The following KIF15 variants were observed in gnomAD, a reference collection of about 807,000 sequenced individuals.
KIF15 encodes kinesin-like protein KIF15.
A neutral mutation model predicts 190.6 loss-of-function variants in KIF15; 140 were observed. That is an observed-to-expected ratio of 0.73 (90% CI 0.64 to 0.84). The LOEUF is 0.84. Among genes scored for constraint, KIF15 ranks in the 40% least tolerant of loss-of-function variants. The pLI is 0.00. For synonymous variants in KIF15, 528 were observed against 551.3 expected (o/e 0.96, Z 0.59); for missense variants, 1,372 against 1,584.4 (o/e 0.87, Z 2.28).
At chr3:44,797,742 C>G (rs1707058320) in intron 9 of KIF15, 66 bp downstream of exon 9, 6 of 1,604,608 alleles carry the variant, frequency 3.7e-6, no homozygotes, top group East Asian at 2.2e-5. Context: ...GGGACAGTCT[C>G]TCAGCCTTGG....
intron 8 of KIF15, 89 bp downstream of exon 8, chr3:44,794,515 G>A (rs772633258): frequency 2.5e-5 from 24 of 957,802 alleles, no homozygotes; most frequent in Non-Finnish European, 3.4e-5. Flanking sequence ...CTCAGTCAAT[G>A]AGGAACTGCA....
intron 7 of KIF15, among the ~76,000 whole-genome samples, chr3:44,790,504 A>C (rs1706634160): frequency 6.6e-6 from 1 of 152,160 alleles, no homozygotes; most frequent in Non-Finnish European, 1.5e-5. Flanking sequence ...CTCCTTTATT[A>C]GGTATATATA....
chr3:44,763,285 C>T (rs1705227327), intron 1 of KIF15, among the ~76,000 whole-genome samples: 1 of 152,098 alleles, frequency 6.6e-6, no homozygotes, highest in Non-Finnish European at 1.5e-5. Context: ...TTACTTTGTG[C>T]CCCGAAGGCT....
intron 5 of KIF15, among the ~76,000 whole-genome samples, chr3:44,781,915 G>A (rs1323605214): frequency 6.6e-6 from 1 of 152,086 alleles, no homozygotes; most frequent in East Asian, 1.9e-4. Context: ...ATAAAACAGA[G>A]AAGTTAGCCT....
chr3:44,836,362 AAAT>A (rs1320888648), intron 26 of KIF15, among the ~76,000 whole-genome samples: 1 of 151,982 alleles, frequency 6.6e-6, no homozygotes, highest in Admixed American at 6.6e-5. Context: ...CTAAAAAAAT[AAAT>A]AAATAAATAA....
intron 5 of KIF15, 39 bp from the exon 6 acceptor site, chr3:44,784,806 T>C (rs780189140): frequency 1.9e-6 from 2 of 1,076,514 alleles, no homozygotes; most frequent in South Asian, 2.8e-5. Flanking sequence ...ACTCTTGGAA[T>C]AGAATAAAAA....
rs551220933 is a variant in KIF15 at position 44,819,073 on chromosome 3, T to G, written c.2549+3997T>G. ...TCTCTGATGGTAGTTTGTATTTCTG[T>G]GGGATAGGTGGTGATATCCCCTTTA... is the stretch of plus-strand genomic sequence containing the variant. On this transcript the variant is annotated intron_variant, in intron 20 of 34. Transcript: ENST00000326047. 3.2e-3 allele frequency among the ~76,000 whole-genome samples: 494 copies of G among 152,350 alleles called. 1 individual carries two copies. Among genetic ancestry groups the G allele is most frequent in the Non-Finnish European group, 5.4e-3 (365 of 68,034 alleles).
At position 44,840,382 on chromosome 3, in the gene KIF15, CAGA is replaced by C. The variant is rs1351685179; in HGVS notation, c.3354_3356del (p.Lys1118del). 1.2e-6 allele frequency: 2 copies of C among 1,608,350 alleles called. No homozygotes were observed. Among genetic ancestry groups the C allele is most frequent in the Admixed American group, 1.7e-5 (1 of 58,726 alleles). ...AAACCAAAAGAAAGAGGAAGTAGAACAGAAGAAGAATGAATATAACTTCAAAAT... is the reference window on the plus strand; with the variant it reads ...AAACCAAAAGAAAGAGGAAGTAGAACAGAAGAATGAATATAACTTCAAAAT... On this transcript the variant is annotated inframe_deletion, in exon 28 of 35. Transcript: ENST00000326047.
chr3:44,812,945 A>T (rs1378439329), intron 18 of KIF15, 130 bp from the exon 19 acceptor site: 1 of 532,910 alleles, frequency 1.9e-6, no homozygotes, highest in Non-Finnish European at 3.2e-6. Context: ...AGGTCGCATC[A>T]CTGCACTCCA....
intron 8 of KIF15, among the ~76,000 whole-genome samples, chr3:44,796,385 C>T (rs1450782797): frequency 6.6e-6 from 1 of 152,182 alleles, no homozygotes; most frequent in Non-Finnish European, 1.5e-5. Context: ...TATAATAGGA[C>T]ATATACCAAG....
At chr3:44,766,807 CTTTTTTTTTT>C (rs766382105) in intron 1 of KIF15, among the ~76,000 whole-genome samples, 2,123 of 118,552 alleles carry the variant, frequency 0.018, 29 homozygotes, top group Middle Eastern at 0.026. Context: ...TTCTTTCTTT[CTTTTTTTTTT>C]TTTTTTTTTT....
At position 44,801,994 on chromosome 3, in the gene KIF15, A is replaced by G. The variant is rs1406011443; in HGVS notation, c.1509+20A>G. ...GAACAAGTGAGTATACGGCATCTAT[A>G]ATATTTCTAAAAATAAAAGAAGTTC... is the stretch of plus-strand genomic sequence containing the variant. On this transcript the variant is annotated intron_variant, in intron 13 of 34. Transcript: ENST00000326047. 6.6e-7 allele frequency: 1 copy of G among 1,508,312 alleles called. No individual in the cohort carries two copies. Among genetic ancestry groups the G allele is most frequent in the East Asian group, 2.3e-5 (1 of 43,794 alleles). 93.4% of individuals were successfully genotyped at this position (1,508,312 alleles called of 1,614,324 possible).
chr3:44,832,729 A>G (rs990285299), intron 26 of KIF15, among the ~76,000 whole-genome samples: 3 of 152,140 alleles, frequency 2.0e-5, no homozygotes, highest in African/African-American at 7.2e-5. Context: ...ATAAGATTAA[A>G]ATAGGCTGGA....
intron 16 of KIF15, among the ~76,000 whole-genome samples, chr3:44,808,522 AT>A (rs895563580): frequency 6.6e-6 from 1 of 150,962 alleles, no homozygotes; most frequent in Non-Finnish European, 1.5e-5. Context: ...TTTTCTTAGC[AT>A]TTTTGTACTG....
At chr3:44,808,620 G>T (rs1423328012) in intron 16 of KIF15, among the ~76,000 whole-genome samples, 1 of 147,006 alleles carries the variant, frequency 6.8e-6, no homozygotes, top group Non-Finnish European at 1.5e-5. Flanking sequence ...AAAAAAAAAC[G>T]GTCATTCTTC....
chr3:44,861,734 G>A (rs1458867524), intron 6 of KIF15: 4 of 581,374 alleles, frequency 6.9e-6, no homozygotes, highest in African/African-American at 2.0e-5. Context: ...TACAGGTTAG[G>A]CCGGAGGCCG....
At chr3:44,803,932 A>G (rs1707383197) in intron 14 of KIF15, among the ~76,000 whole-genome samples, 1 of 151,746 alleles carries the variant, frequency 6.6e-6, no homozygotes, top group South Asian at 2.1e-4. Flanking sequence ...GCTCACTGCA[A>G]CCTCCACCTC....
At chr3:44,855,815 G>A (rs1009983365), downstream of KIF15, among the ~76,000 whole-genome samples, 20 of 152,314 alleles carry the variant, frequency 1.3e-4, no homozygotes, top group Admixed American at 9.8e-4. Flanking sequence ...AAAGGACTAA[G>A]AATTGGGAGG....
At chr3:44,846,771 CAA>C (rs765234089) in intron 30 of KIF15, among the ~76,000 whole-genome samples, 744 of 67,792 alleles carry the variant, frequency 0.011, 3 homozygotes, top group African/African-American at 0.033. Flanking sequence ...GACTCTGTCT[CAA>C]AAAAAAAAAA....
Sources: allele counts gnomAD v4.1 joint callset (sites outside exome capture counted in the v4.1 genomes callset), GRCh38; gene constraint gnomAD v4.1.1; transcripts MANE v1.5; gene names NCBI Gene and HGNC (gene_info 2026-07-23, HGNC 2026-07-21).